The following LIMA1 variants were observed in gnomAD, a reference collection of about 807,000 sequenced individuals.
LIMA1 encodes LIM domain and actin binding 1.
A neutral mutation model predicts 62.6 loss-of-function variants in LIMA1; 52 were observed. The ratio of observed to expected loss-of-function variants is 0.83; its 90% confidence interval spans 0.67 to 1.05. LIMA1 has a LOEUF of 1.05. Ranked by LOEUF, LIMA1 falls within the 50% of genes least tolerant of loss-of-function variation. The pLI is 0.00. For missense variants in LIMA1, 780 were observed against 902.2 expected, an observed-to-expected ratio of 0.86 and a Z score of 1.74; for synonymous variants, 302 against 317.8, an observed-to-expected ratio of 0.95 and a Z score of 0.53.
chr12:50,187,838 C>T (rs1212053113), intron 9 of LIMA1: 1 of 152,168 alleles, frequency 6.6e-6, no homozygotes, highest in Non-Finnish European at 1.5e-5. Context: ...TTCCCTAGGG[C>T]CAGTCACATC....
At chr12:50,191,009 C>A (rs1293991318) in intron 9 of LIMA1, among the ~76,000 whole-genome samples, 2 of 149,154 alleles carry the variant, frequency 1.3e-5, no homozygotes, top group African/African-American at 5.0e-5. Context: ...ATAGTCCCAG[C>A]TACTTGGGAG....
chr12:50,231,593 A>G, intron 3 of LIMA1, 72 bp downstream of exon 3: 1 of 1,350,132 alleles, frequency 7.4e-7, no homozygotes, highest in Admixed American at 1.7e-5. Flanking sequence ...AGCCCCACAG[A>G]GGCTGCAGGT....
intron 2 of LIMA1, among the ~76,000 whole-genome samples, chr12:50,242,791 A>G (rs75690176): frequency 0.014 from 2,124 of 152,256 alleles, 46 homozygotes; most frequent in African/African-American, 0.049. Flanking sequence ...GGAATGGAAA[A>G]TCTAAAGAGC....
Position 50,177,141 on chromosome 12 carries a change from C to T in LIMA1, c.2203G>A (p.Glu735Lys). The change falls in exon 11 of 11, where the codon GAA becomes AAA. Residue 735 changes from glutamate (E) to lysine (K), a missense_variant. Glu to Lys is a moderately conservative substitution (Grantham distance 56, BLOSUM62 1). Transcript: ENST00000341247. ...TCCACAGAGAGCTCTTTGACCACTT[C>T]TCCCTCCCAGAGTTCCACATCCTGG... The part of the protein sequence containing the change: ...KSQDVELWEG[E>K]VVKELSVEEQ... 6.2e-7 allele frequency: 1 copy of T among 1,613,570 alleles called. No homozygotes were observed. The highest frequency in any genetic ancestry group is 1.1e-5 in the South Asian group (1 of 90,886).
At chr12:50,265,885 T>C (rs1266663321) in intron 1 of LIMA1, among the ~76,000 whole-genome samples, 1 of 151,954 alleles carries the variant, frequency 6.6e-6, no homozygotes, top group Non-Finnish European at 1.5e-5. Context: ...CAAACATCCT[T>C]CCCATCTCCA....
intron 1 of LIMA1, among the ~76,000 whole-genome samples, chr12:50,261,219 A>AT (rs1592563067): frequency 1.3e-5 from 2 of 150,426 alleles, no homozygotes; most frequent in East Asian, 3.9e-4. Flanking sequence ...CGCCCAGCTA[A>AT]TTTTTTGTAT....
intron 4 of LIMA1, among the ~76,000 whole-genome samples, chr12:50,214,025 C>CAT (rs1941301888): frequency 1.5e-5 from 1 of 64,784 alleles, no homozygotes; most frequent in Non-Finnish European, 2.4e-5. Flanking sequence ...ATTATCTTAC[C>CAT]ACACACACAC....
intron 8 of LIMA1, 109 bp downstream of exon 8, chr12:50,195,721 G>T: frequency 1.9e-6 from 2 of 1,077,360 alleles, no homozygotes; most frequent in Non-Finnish European, 1.3e-6. Context: ...TTCAAGTAGA[G>T]GATTTACTAT....
intron 4 of LIMA1, among the ~76,000 whole-genome samples, chr12:50,210,966 G>A (rs1483664514): frequency 6.6e-6 from 1 of 152,136 alleles, no homozygotes; most frequent in Non-Finnish European, 1.5e-5. Flanking sequence ...GATATCGCAG[G>A]TTCAGTGAAG....
At chr12:50,215,765 G>A (rs1555206679) in intron 4 of LIMA1, among the ~76,000 whole-genome samples, 4 of 152,074 alleles carry the variant, frequency 2.6e-5, no homozygotes, top group South Asian at 2.1e-4. Flanking sequence ...GAGCCACCGC[G>A]CCCGGCCTGC....
intron 9 of LIMA1, among the ~76,000 whole-genome samples, chr12:50,184,604 T>C (rs560938107): frequency 4.6e-5 from 7 of 152,146 alleles, no homozygotes; most frequent in African/African-American, 1.7e-4. Context: ...ATCTCATCAC[T>C]GCCCTCCAGC....
intron 2 of LIMA1, among the ~76,000 whole-genome samples, chr12:50,239,040 T>G (rs1483677017): frequency 6.6e-6 from 1 of 152,208 alleles, no homozygotes; most frequent in Non-Finnish European, 1.5e-5. Flanking sequence ...AAGCTGACAT[T>G]TTCATTCGAG....
chr12:50,221,779 T>C (rs921803300), intron 4 of LIMA1, among the ~76,000 whole-genome samples: 8 of 152,200 alleles, frequency 5.3e-5, no homozygotes, highest in African/African-American at 1.9e-4. Flanking sequence ...TTAAACTCTC[T>C]TCATTTCTAG....
At chr12:50,180,791 T>C (rs978886833) in intron 10 of LIMA1, among the ~76,000 whole-genome samples, 1 of 151,978 alleles carries the variant, frequency 6.6e-6, no homozygotes, top group African/African-American at 2.4e-5. Context: ...AAAGGGGGTA[T>C]AAAACGGCAG....
intron 4 of LIMA1, among the ~76,000 whole-genome samples, chr12:50,211,173 A>T (rs576037430): frequency 4.5e-4 from 68 of 152,002 alleles, no homozygotes; most frequent in African/African-American, 1.6e-3. Context: ...AATACAAAAA[A>T]TTAGCCAGGC....
chr12:50,256,432 A>G (rs141582893), intron 1 of LIMA1: 7 of 152,300 alleles, frequency 4.6e-5, no homozygotes, highest in African/African-American at 1.7e-4. Context: ...GCTTTATCTT[A>G]TATTACCATA....
Position 50,195,853 on chromosome 12 carries a change from G to A in LIMA1, c.1007C>T (p.Ser336Phe), listed in dbSNP as rs1592508161. The change falls in exon 8 of 11, where the codon TCC (serine) becomes TTC (phenylalanine). Residue 336 changes from serine (S) to phenylalanine (F), a missense_variant. Ser to Phe is a radical substitution (Grantham distance 155). Coordinates refer to ENST00000341247, the MANE Select transcript of LIMA1 (RefSeq NM_016357.5). ...ACGGGAGTCATCTTCGGCAGGGGTGGAACGGACTGCCAGGCTATTCTCATT... is the reference window on the plus strand; with the variant it reads ...ACGGGAGTCATCTTCGGCAGGGGTGAAACGGACTGCCAGGCTATTCTCATT... Reference protein sequence around the residue: ...SANENSLAVRSTPAEDDSRDS... With the variant: ...SANENSLAVRFTPAEDDSRDS... 1 of 1,549,274 alleles carries A rather than the reference G, an allele frequency of 6.5e-7. No individual in the cohort carries two copies. The highest frequency in any genetic ancestry group is 8.7e-7 in the Non-Finnish European group (1 of 1,154,196).
Position 50,248,613 on chromosome 12 carries a change from G to C in LIMA1, c.119+20C>G. The C allele has an allele frequency of 6.9e-7, 1 of 1,453,850 alleles. No homozygotes were observed. The highest frequency in any genetic ancestry group is 9.7e-7 in the Non-Finnish European group (1 of 1,034,288). The allele number at this position is 1,453,850 out of a possible 1,614,324, so 90.1% of individuals were successfully genotyped here. A position where few individuals can be genotyped will look rare whatever the true frequency, so the allele number is the denominator to read the frequency against. Reference sequence around the variant, plus strand: ...TGTGCTCCAGACAGATGGTCCTTTTGGACCAGGATCAGCACTTACTTGGAG... The same window carrying C: ...TGTGCTCCAGACAGATGGTCCTTTTCGACCAGGATCAGCACTTACTTGGAG... On this transcript the variant is annotated intron_variant, in intron 2 of 10. Transcript: ENST00000341247.
intron 2 of LIMA1, among the ~76,000 whole-genome samples, chr12:50,247,675 G>C (rs1284033053): frequency 1.3e-5 from 2 of 149,408 alleles, no homozygotes; most frequent in Non-Finnish European, 3.0e-5. Flanking sequence ...CCAGGCTGTA[G>C]TGCAGTGGCA....
Sources: gnomAD v4.1 joint callset for allele counts (sites outside exome capture counted in the v4.1 genomes callset) on GRCh38, gnomAD v4.1.1 for gene constraint, MANE v1.5 for transcripts, NCBI Gene and HGNC (gene_info 2026-07-23, HGNC 2026-07-21) for gene names.